Variants in RANBP2 observed in about 807,000 individuals in gnomAD.
RANBP2 encodes the protein E3 SUMO-protein ligase RanBP2.
Under a neutral mutation model 303.6 loss-of-function variants are expected in RANBP2, and 57 were observed. That is an observed-to-expected ratio of 0.19 (90% confidence interval 0.15 to 0.23). RANBP2 has a LOEUF of 0.23. RANBP2 is among the 10% of genes least tolerant of loss of function. The probability of loss-of-function intolerance (pLI) is 1.00; values close to 1 mark genes in which losing one functional copy is unlikely to be tolerated. For missense variants in RANBP2, 3,138 were observed against 3,780.8 expected (o/e 0.83, Z 4.46); for synonymous variants, 1,167 against 1,301.5 (o/e 0.90, Z 2.23).
At chr2:109,648,669 T>C in the RANBP2 span, among the ~76,000 whole-genome samples, 753 of 150,254 alleles carry the variant, frequency 5.0e-3, 3 homozygotes, top group South Asian at 0.016. Context: ...TTTTTTTTTT[T>C]CTGAGACGGA....
the RANBP2 span, among the ~76,000 whole-genome samples, chr2:109,274,634 C>T: frequency 9.8e-4 from 149 of 152,164 alleles, no homozygotes; most frequent in Non-Finnish European, 1.3e-3. Flanking sequence ...TGAGAAGAGG[C>T]GGCAATGGAG....
chr2:109,320,577 C>T, the RANBP2 span, among the ~76,000 whole-genome samples: 1 of 152,196 alleles, frequency 6.6e-6, no homozygotes, highest in Non-Finnish European at 1.5e-5. Context: ...CCTCTCCCCA[C>T]CTAATCAGAA....
the RANBP2 span, among the ~76,000 whole-genome samples, chr2:109,280,743 G>C: frequency 6.6e-6 from 1 of 152,242 alleles, no homozygotes; most frequent in Non-Finnish European, 1.5e-5. Context: ...CTCACCCGAT[G>C]AGGGCTGTGA....
chr2:108,944,960 C>T, the RANBP2 span, among the ~76,000 whole-genome samples: 2 of 152,186 alleles, frequency 1.3e-5, no homozygotes, highest in African/African-American at 4.8e-5. Flanking sequence ...TGGATGTTTC[C>T]CGTGGTGCAA....
chr2:109,747,839 T>C, the RANBP2 span, among the ~76,000 whole-genome samples: 1 of 141,874 alleles, frequency 7.0e-6, no homozygotes, highest in Admixed American at 7.2e-5. Flanking sequence ...CTAATTTTTG[T>C]TCCTGTCATT....
rs1475593806 is a variant in RANBP2, at chr2:108,748,890, T to C, written c.1064-30T>C. The C allele has an allele frequency of 4.3e-6, 7 of 1,611,904 alleles. No homozygotes were observed. In the Admixed American group the frequency reaches 5.0e-5, roughly 12 times the overall value. On this transcript the variant is annotated intron_variant, in intron 8 of 28. Coordinates refer to ENST00000283195, the MANE Select transcript of RANBP2 (RefSeq NM_006267.5). Reference sequence around the variant, plus strand: ...GCAAATACAATCTGTAATTTTAAAGTGATGGAAATAACTTAAATTTTTTTT... The same window carrying C: ...GCAAATACAATCTGTAATTTTAAAGCGATGGAAATAACTTAAATTTTTTTT...
At chr2:109,641,595 G>A in the RANBP2 span, among the ~76,000 whole-genome samples, 2 of 151,964 alleles carry the variant, frequency 1.3e-5, no homozygotes, top group African/African-American at 4.8e-5. Context: ...TAGGAGGAAG[G>A]GGCAAAAAGG....
chr2:109,243,979 C>G, the RANBP2 span, among the ~76,000 whole-genome samples: 180 of 152,246 alleles, frequency 1.2e-3, 2 homozygotes, highest in African/African-American at 4.1e-3. Context: ...TTTGCCCTGC[C>G]CAGCTCATGT....
the RANBP2 span, among the ~76,000 whole-genome samples, chr2:109,084,339 G>A: frequency 6.6e-6 from 1 of 152,202 alleles, no homozygotes; most frequent in Non-Finnish European, 1.5e-5. Flanking sequence ...TGGATATTTG[G>A]AGACGGAGAA....
At chr2:108,842,775 G>C in the RANBP2 span, among the ~76,000 whole-genome samples, 1 of 152,154 alleles carries the variant, frequency 6.6e-6, no homozygotes, top group African/African-American at 2.4e-5. Flanking sequence ...CCTGCTTCTA[G>C]GGTGAAAAAG....
chr2:108,976,109 GT>G, the RANBP2 span, among the ~76,000 whole-genome samples: 1 of 152,154 alleles, frequency 6.6e-6, no homozygotes, highest in Non-Finnish European at 1.5e-5. Flanking sequence ...GATGTCCTTA[GT>G]TTTCTCCTAA....
the RANBP2 span, among the ~76,000 whole-genome samples, chr2:109,212,937 A>G: frequency 2.0e-5 from 3 of 152,154 alleles, no homozygotes; most frequent in Non-Finnish European, 4.4e-5. Flanking sequence ...GATGATTGGA[A>G]TATAGTGGAT....
At chr2:109,536,036 C>A in the RANBP2 span, among the ~76,000 whole-genome samples, 1 of 43,668 alleles carries the variant, frequency 2.3e-5, no homozygotes, top group Non-Finnish European at 4.3e-5. Context: ...GCAGAAGTTG[C>A]TGCAGTGGGT....
the RANBP2 span, among the ~76,000 whole-genome samples, chr2:109,650,897 G>A: frequency 2.0e-5 from 3 of 152,052 alleles, no homozygotes; most frequent in East Asian, 1.9e-4. Context: ...GCATGAAAAC[G>A]GACTAATACG....
chr2:109,199,990 C>T, the RANBP2 span, among the ~76,000 whole-genome samples: 3 of 152,020 alleles, frequency 2.0e-5, no homozygotes, highest in Admixed American at 6.6e-5. Flanking sequence ...GTTGTCACAG[C>T]TAAGGTGGGG....
the RANBP2 span, among the ~76,000 whole-genome samples, chr2:109,101,600 AG>A: frequency 6.6e-6 from 1 of 152,220 alleles, no homozygotes; most frequent in East Asian, 1.9e-4. Context: ...ATCCATCAAC[AG>A]TATTCCCATA....
chr2:109,293,483 C>T, the RANBP2 span, among the ~76,000 whole-genome samples: 4 of 152,198 alleles, frequency 2.6e-5, no homozygotes, highest in South Asian at 8.3e-4. Flanking sequence ...GCCCCCTTCT[C>T]TCTCCACTGC....
At chr2:109,410,717 C>A in the RANBP2 span, among the ~76,000 whole-genome samples, 1 of 152,218 alleles carries the variant, frequency 6.6e-6, no homozygotes, top group East Asian at 1.9e-4. Context: ...TGGCAGGTAT[C>A]CATTATGGAG....
chr2:109,587,525 C>CA, the RANBP2 span, among the ~76,000 whole-genome samples: 4 of 152,084 alleles, frequency 2.6e-5, no homozygotes, highest in African/African-American at 9.7e-5. Flanking sequence ...AACTTGAACT[C>CA]AGAGATACAA....
Sources: gnomAD v4.1 joint callset for allele counts (sites outside exome capture counted in the v4.1 genomes callset) on GRCh38, gnomAD v4.1.1 for gene constraint, MANE v1.5 for transcripts, NCBI Gene and HGNC (gene_info 2026-07-23, HGNC 2026-07-21) for gene names.